Variants in RBPMS observed in about 807,000 individuals in gnomAD.
RBPMS encodes the protein RNA-binding protein with multiple splicing.
Under a neutral mutation model 26.8 loss-of-function variants are expected in RBPMS, and 7 were observed. The observed-to-expected ratio is 0.26, with a 90% CI of 0.15 to 0.49. RBPMS has a LOEUF of 0.49. RBPMS is among the 20% of genes least tolerant of loss of function. The pLI is 0.98. For synonymous variants in RBPMS, 96 were observed against 93.3 expected (o/e 1.03, Z -0.17); for missense variants, 186 against 250.0 (o/e 0.74, Z 1.73).
At chr8:30,427,492 C>T (rs1271169887) in intron 1 of RBPMS, among the ~76,000 whole-genome samples, 2 of 152,230 alleles carry the variant, frequency 1.3e-5, no homozygotes, top group Non-Finnish European at 2.9e-5. Flanking sequence ...TCTTCCTCCA[C>T]TACAGGAATG....
intron 1 of RBPMS, among the ~76,000 whole-genome samples, chr8:30,392,169 C>A (rs182178560): frequency 6.6e-6 from 1 of 151,960 alleles, no homozygotes; most frequent in African/African-American, 2.4e-5. Context: ...TTGAGCACAG[C>A]CAAACCTGCA....
intron 4 of RBPMS, among the ~76,000 whole-genome samples, chr8:30,491,920 C>G (rs1046324751): frequency 6.6e-6 from 1 of 152,178 alleles, no homozygotes; most frequent in Non-Finnish European, 1.5e-5. Context: ...AATGGAGTTT[C>G]GCTCTTGTCG....
At chr8:30,451,902 G>A (rs1459181289) in intron 1 of RBPMS, among the ~76,000 whole-genome samples, 1 of 152,138 alleles carries the variant, frequency 6.6e-6, no homozygotes, top group African/African-American at 2.4e-5. Context: ...TATAATGATT[G>A]TGTTTCTTTT....
In RBPMS at chr8:30,545,103, A is replaced by G. The variant is rs142432465; in HGVS notation, c.528+479A>G. ...CCAAAGGGAAAGCTTCCAGGGGGGA[A>G]GGCTGTACTTTCTTAAATATGTTAC... is the stretch of plus-strand genomic sequence containing the variant. On this transcript the variant is annotated intron_variant, in intron 6 of 8. Coordinates refer to ENST00000397323, the MANE Select transcript of RBPMS (RefSeq NM_001008710.3). 5 of 1,351,566 alleles carry G rather than the reference A, an allele frequency of 3.7e-6. No individual in the cohort carries two copies. In the African/African-American group the frequency reaches 4.4e-5, roughly 12 times the overall value. 83.7% of individuals were successfully genotyped at this position (1,351,566 alleles called of 1,614,324 possible).
In RBPMS at chr8:30,566,406, G is replaced by C. The variant is rs550614960; in HGVS notation, c.*111+46G>C. Reference sequence around the variant, plus strand: ...AACAAGCCCTCAGGGGCGGCATGGCGAACACGTGGGAACTGTGGGCCTCTG... The same window carrying C: ...AACAAGCCCTCAGGGGCGGCATGGCCAACACGTGGGAACTGTGGGCCTCTG... On this transcript the variant is annotated intron_variant, in intron 8 of 8. Coordinates refer to ENST00000397323, the MANE Select transcript of RBPMS (RefSeq NM_001008710.3). 11 of 585,450 alleles carry C rather than the reference G, an allele frequency of 1.9e-5. No homozygotes were observed. The African/African-American group carries it at 2.0e-4, about 11-fold the overall frequency. 36.3% of individuals were successfully genotyped at this position (585,450 alleles called of 1,614,324 possible). A position where few individuals can be genotyped will look rare whatever the true frequency, so the allele number is the denominator to read the frequency against.
intron 5 of RBPMS, among the ~76,000 whole-genome samples, chr8:30,533,338 T>C (rs1322796518): frequency 6.6e-6 from 1 of 152,194 alleles, no homozygotes; most frequent in Non-Finnish European, 1.5e-5. Context: ...AGCAGATGTT[T>C]CCAGAAGTGG....
rs567770508 is a variant in RBPMS at position 30,546,719 on chromosome 8, C to T, written c.528+2095C>T. 7.9e-5 allele frequency among the ~76,000 whole-genome samples: 12 copies of T among 152,312 alleles called. No homozygotes were observed. The East Asian group carries it at 1.7e-3, about 22-fold the overall frequency. On this transcript the variant is annotated intron_variant, in intron 6 of 8. Transcript: ENST00000397323. ...ACGCCACTTCTTGTTTGGAGTCATT[C>T]CCAGTGCAGTCATGGACTCTATGAA...
chr8:30,451,382 C>G (rs993052730), intron 1 of RBPMS, among the ~76,000 whole-genome samples: 1 of 152,142 alleles, frequency 6.6e-6, no homozygotes, highest in African/African-American at 2.4e-5. Context: ...ACTCATGGGG[C>G]TTTGTTGTTC....
chr8:30,459,778 G>A (rs923317948), intron 1 of RBPMS, among the ~76,000 whole-genome samples: 4 of 152,138 alleles, frequency 2.6e-5, no homozygotes, highest in Non-Finnish European at 5.9e-5. Context: ...AATTTATACA[G>A]TGCCAGATTA....
At chr8:30,422,410 G>T (rs1034764988) in intron 1 of RBPMS, among the ~76,000 whole-genome samples, 3 of 152,014 alleles carry the variant, frequency 2.0e-5, no homozygotes, top group African/African-American at 7.2e-5. Context: ...TACTGCGCCT[G>T]GCCGAAATTT....
chr8:30,556,347 C>T (rs150069484), intron 6 of RBPMS: 216 of 985,596 alleles, frequency 2.2e-4, no homozygotes, highest in Non-Finnish European at 2.5e-4. Context: ...ACGGGCTGCA[C>T]GCTCGTCCCC....
intron 1 of RBPMS, among the ~76,000 whole-genome samples, chr8:30,419,758 T>C (rs747831434): frequency 9.2e-5 from 14 of 152,196 alleles, no homozygotes; most frequent in Non-Finnish European, 1.9e-4. Flanking sequence ...TTTTAAAATA[T>C]GGAAATATTC....
At chr8:30,519,486 T>C (rs1004594107) in intron 5 of RBPMS, among the ~76,000 whole-genome samples, 4 of 44,988 alleles carry the variant, frequency 8.9e-5, no homozygotes, top group African/African-American at 3.9e-4. Context: ...TTTTTTTTTT[T>C]TTTTTTTTTT....
At chr8:30,563,620 A>G (rs531260405) in intron 7 of RBPMS, among the ~76,000 whole-genome samples, 7 of 152,314 alleles carry the variant, frequency 4.6e-5, no homozygotes, top group African/African-American at 9.6e-5. Context: ...AAGGAAATGC[A>G]AGAGAGAACG....
At position 30,435,686 on chromosome 8, in the gene RBPMS, G is replaced by GT. The variant is rs1245360202; in HGVS notation, c.67-39092dup. On this transcript the variant is annotated intron_variant, in intron 1 of 8. Coordinates refer to ENST00000397323, the MANE Select transcript of RBPMS (RefSeq NM_001008710.3). The stretch of plus-strand genomic sequence containing the variant: ...AATGGGGATGTATGCACAAGCCTAT[G>GT]TGGGGGTGGATGGGTCAATGGAGTG... Among the ~76,000 whole-genome samples the GT allele has an allele frequency of 1.2e-4, 18 of 152,368 alleles. 2 individuals carry two copies. The highest frequency in any genetic ancestry group is 4.1e-4 in the African/African-American group (17 of 41,582).
chr8:30,423,824 G>T (rs1043718590), intron 1 of RBPMS, among the ~76,000 whole-genome samples: 23 of 133,444 alleles, frequency 1.7e-4, no homozygotes, highest in East Asian at 8.0e-4. Flanking sequence ...TGGGTTTTTT[G>T]TTTTTTTTGT....
chr8:30,545,101 G>A (rs756713638), intron 6 of RBPMS: 43 of 1,352,610 alleles, frequency 3.2e-5, no homozygotes, highest in Non-Finnish European at 4.1e-5. Flanking sequence ...TTCCAGGGGG[G>A]AAGGCTGTAC....
chr8:30,550,819 G>A (rs566473368), intron 6 of RBPMS, among the ~76,000 whole-genome samples: 1 of 152,324 alleles, frequency 6.6e-6, no homozygotes, highest in African/African-American at 2.4e-5. Flanking sequence ...ATACATCCGG[G>A]GTGGAGGGGG....
At chr8:30,549,964 C>G (rs898153206) in intron 6 of RBPMS, among the ~76,000 whole-genome samples, 1 of 151,894 alleles carries the variant, frequency 6.6e-6, no homozygotes, top group Non-Finnish European at 1.5e-5. Flanking sequence ...CATTCTCCTG[C>G]CTCAGCCTCC....
Sources: gnomAD v4.1 joint callset for allele counts (sites outside exome capture counted in the v4.1 genomes callset) on GRCh38, gnomAD v4.1.1 for gene constraint, MANE v1.5 for transcripts, NCBI Gene and HGNC (gene_info 2026-07-23, HGNC 2026-07-21) for gene names.